ABCA13: variants seen among roughly 807,000 people sequenced by gnomAD.
ABCA13 encodes the protein ATP-binding cassette sub-family A member 13.
A neutral mutation model predicts 478.7 loss-of-function variants in ABCA13; 476 were observed. That is an observed-to-expected ratio of 0.99 (90% CI 0.92 to 1.07). The LOEUF (loss-of-function observed/expected upper bound fraction) is 1.07. Among genes scored for constraint, ABCA13 ranks in the 50% least tolerant of loss-of-function variants. The pLI is 0.00. For synonymous variants in ABCA13, 2,252 were observed against 2,158.9 expected (o/e 1.04, Z -1.20); for missense variants, 6,060 against 5,910.6 (o/e 1.03, Z -0.83).
chr7:48,389,056 C>A lies in ABCA13; in HGVS notation c.11490C>A (p.Asn3830Lys). 6.2e-7 allele frequency: 1 copy of A among 1,613,672 alleles called. No individual in the cohort carries two copies. Among genetic ancestry groups the A allele is most frequent in the East Asian group, 2.2e-5 (1 of 44,864 alleles). The change falls in exon 37 of 62, where the codon AAC (asparagine) becomes AAA (lysine). Residue 3830 changes from asparagine to lysine, a missense_variant. Transcript: ENST00000435803. The stretch of plus-strand genomic sequence containing the variant: ...CTCTCACAGGGTCATCACTGCAAAA[C>A]AGGGAAGGAGAGCTTGAAGGAAGTG... The part of the protein sequence containing the change: ...NFDNKGSSLQ[N>K]REGELEGSAP...
chr7:48,362,840 GTAC>G (rs1811097949), intron 31 of ABCA13, among the ~76,000 whole-genome samples: 1 of 151,754 alleles, frequency 6.6e-6, no homozygotes, highest in Admixed American at 6.6e-5. Flanking sequence ...GTTGCCTTTT[GTAC>G]TGTTAAAGAC....
At chr7:48,233,914 G>A in intron 7 of ABCA13, 104 bp from the exon 8 acceptor site, 1 of 1,326,638 alleles carries the variant, frequency 7.5e-7, no homozygotes, top group Non-Finnish European at 1.0e-6. Flanking sequence ...GTCTTCATTT[G>A]CTCTTCCTTT....
chr7:48,557,568 A>G (rs943576313), intron 55 of ABCA13, among the ~76,000 whole-genome samples: 3 of 152,144 alleles, frequency 2.0e-5, no homozygotes, highest in Non-Finnish European at 2.9e-5. Flanking sequence ...GCTGCCAGAC[A>G]TATTGGAGCT....
intron 20 of ABCA13, among the ~76,000 whole-genome samples, chr7:48,294,130 CATG>C (rs1366518242): frequency 6.6e-6 from 1 of 151,828 alleles, no homozygotes; most frequent in Non-Finnish European, 1.5e-5. Flanking sequence ...AAGTGTACAA[CATG>C]ATGTTTTGAT....
intron 59 of ABCA13, among the ~76,000 whole-genome samples, chr7:48,639,864 G>A (rs566962111): frequency 7.2e-5 from 11 of 152,236 alleles, no homozygotes; most frequent in Middle Eastern, 3.4e-3. Flanking sequence ...AAATACAGTC[G>A]TAGAGTATGA....
At chr7:48,342,965 T>C (rs1807474364) in intron 29 of ABCA13, among the ~76,000 whole-genome samples, 1 of 152,126 alleles carries the variant, frequency 6.6e-6, no homozygotes, top group Non-Finnish European at 1.5e-5. Context: ...TCTATTTTCA[T>C]CTAATTTTGG....
At chr7:48,314,012 T>C (rs1202293589) in intron 25 of ABCA13, among the ~76,000 whole-genome samples, 1 of 151,394 alleles carries the variant, frequency 6.6e-6, no homozygotes, top group Non-Finnish European at 1.5e-5. Flanking sequence ...TGTGTAGGTA[T>C]GACATTTCCC....
chr7:48,193,308 G>T (rs1034432695), intron 2 of ABCA13, among the ~76,000 whole-genome samples: 14 of 152,120 alleles, frequency 9.2e-5, no homozygotes, highest in African/African-American at 3.1e-4. Context: ...GACACAATCT[G>T]GGCATAAGTA....
intron 27 of ABCA13, among the ~76,000 whole-genome samples, chr7:48,320,150 A>T (rs1803227681): frequency 6.6e-6 from 1 of 152,242 alleles, no homozygotes; most frequent in South Asian, 2.1e-4. Flanking sequence ...GCATTCGGTT[A>T]TTCATGAATT....
intron 38 of ABCA13, among the ~76,000 whole-genome samples, chr7:48,401,002 G>A (rs1817528506): frequency 6.6e-6 from 1 of 152,262 alleles, no homozygotes; most frequent in Admixed American, 6.5e-5. Context: ...AGGTACATAT[G>A]ATACGTGTCA....
Position 48,455,026 on chromosome 7 carries a change from C to G in ABCA13, c.12566-11C>G. On this transcript the variant is annotated splice_polypyrimidine_tract_variant and intron_variant, in intron 42 of 61. Transcript: ENST00000435803. ...CTGACCCAGCCGCCCTTCCTCCCGC[C>G]CGTCCTGCAGGTGGCTCCCTAGCAC... is the stretch of plus-strand genomic sequence containing the variant. The G allele has an allele frequency of 1.3e-6, 2 of 1,489,004 alleles. No homozygotes were observed. The highest frequency in any genetic ancestry group is 1.4e-5 in the African/African-American group (1 of 71,948). 92.2% of individuals were successfully genotyped at this position (1,489,004 alleles called of 1,614,324 possible). A position where few individuals can be genotyped will look rare whatever the true frequency, so the allele number is the denominator to read the frequency against.
chr7:48,625,082 T>A (rs1010360693), intron 59 of ABCA13, among the ~76,000 whole-genome samples: 3 of 151,918 alleles, frequency 2.0e-5, no homozygotes, highest in African/African-American at 7.3e-5. Flanking sequence ...TGTAGAAGGG[T>A]TTGTTTGTGG....
chr7:48,529,166 T>A (rs2131037376), intron 55 of ABCA13, among the ~76,000 whole-genome samples: 1 of 152,342 alleles, frequency 6.6e-6, no homozygotes, highest in Non-Finnish European at 1.5e-5. Flanking sequence ...TTCTCTCTAC[T>A]GCAAGAAGAA....
At chr7:48,185,176 G>A (rs566900315) in intron 1 of ABCA13, among the ~76,000 whole-genome samples, 1 of 152,148 alleles carries the variant, frequency 6.6e-6, no homozygotes, top group Admixed American at 6.5e-5. Context: ...TGTTGCAGAA[G>A]AAATTATTGT....
At chr7:48,643,099 A>G (rs936494067) in intron 59 of ABCA13, among the ~76,000 whole-genome samples, 189 bp from the exon 60 acceptor site, 1 of 152,174 alleles carries the variant, frequency 6.6e-6, no homozygotes, top group African/African-American at 2.4e-5. Context: ...CTGTGTCAAT[A>G]TAAATGGAAA....
rs1421721429 is a variant in ABCA13 at position 48,251,276 on chromosome 7, CAG to C, written c.2005+1930_2005+1931del. ...TTTGACTCTTTTCAGAAACAGGCTA[CAG>C]AGAGTGATATGCAATAGTGGCAACA... On this transcript the variant is annotated intron_variant, in intron 15 of 61. Coordinates refer to ENST00000435803, the MANE Select transcript of ABCA13 (RefSeq NM_152701.5). 2.0e-5 allele frequency among the ~76,000 whole-genome samples: 3 copies of C among 152,180 alleles called. No individual in the cohort carries two copies. In the East Asian group the frequency reaches 5.8e-4, roughly 29 times the overall value.
intron 3 of ABCA13, among the ~76,000 whole-genome samples, chr7:48,202,028 T>A (rs1256129642): frequency 1.3e-5 from 2 of 152,182 alleles, no homozygotes; most frequent in African/African-American, 2.4e-5. Context: ...GGGCTCGTGG[T>A]CTCGCTGGTA....
At chr7:48,231,763 G>A (rs971066008) in intron 7 of ABCA13, among the ~76,000 whole-genome samples, 4 of 152,102 alleles carry the variant, frequency 2.6e-5, no homozygotes, top group African/African-American at 9.7e-5. Flanking sequence ...CTGGGTTCAA[G>A]CAATTCTCCT....
intron 1 of ABCA13, among the ~76,000 whole-genome samples, chr7:48,176,422 A>G (rs1450789842): frequency 6.6e-6 from 1 of 152,230 alleles, no homozygotes; most frequent in Non-Finnish European, 1.5e-5. Flanking sequence ...CAGTTTTACT[A>G]GGAACATCCT....
Sources: allele counts gnomAD v4.1 joint callset (sites outside exome capture counted in the v4.1 genomes callset), GRCh38; gene constraint gnomAD v4.1.1; transcripts MANE v1.5; gene names NCBI Gene and HGNC (gene_info 2026-07-23, HGNC 2026-07-21).